RPTOR: variants seen among roughly 807,000 people sequenced by gnomAD.
The protein encoded by RPTOR is regulatory associated protein of MTOR complex 1, also known as regulatory-associated protein of mTOR.
RPTOR carries 21 observed loss-of-function variants against 169.9 expected under a neutral mutation model. That is an observed-to-expected ratio of 0.12 (90% CI 0.09 to 0.18). The LOEUF is 0.18. RPTOR is among the 10% of genes least tolerant of loss of function. The pLI is 1.00. For synonymous variants in RPTOR, 732 were observed against 753.2 expected, an observed-to-expected ratio of 0.97 and a Z score of 0.46; for missense variants, 1,133 against 1,855.9, an observed-to-expected ratio of 0.61 and a Z score of 7.16.
rs1189586712 is a variant in RPTOR, at chr17:80,820,679, G to A, written c.891-1522G>A. On this transcript the variant is annotated intron_variant, in intron 7 of 33. Transcript: ENST00000306801. The surrounding 1 kb of genome is among the most constrained non-coding windows in gnomAD (Gnocchi z 4.1). ...CCTGGCCATTCCTCCTGCGCACAGT[G>A]GACATGCTTGTTCTGAAGCGAGAGC... 6.6e-6 allele frequency among the ~76,000 whole-genome samples: 1 copy of A among 152,240 alleles called. No individual in the cohort carries two copies. The highest frequency in any genetic ancestry group is 1.5e-5 in the Non-Finnish European group (1 of 68,048).
chr17:80,950,842 G>A (rs557346030), intron 28 of RPTOR, among the ~76,000 whole-genome samples: 4 of 152,348 alleles, frequency 2.6e-5, no homozygotes, highest in African/African-American at 9.6e-5. Context: ...TGTTTGATAG[G>A]CTTTCCAGGC....
At chr17:80,583,517 C>T (rs998621206) in intron 1 of RPTOR, among the ~76,000 whole-genome samples, 17 of 152,260 alleles carry the variant, frequency 1.1e-4, no homozygotes, top group African/African-American at 4.1e-4. Context: ...TGAGGCCTGT[C>T]CCACGTGGGA....
At chr17:80,619,005 C>G (rs567489441) in intron 1 of RPTOR, among the ~76,000 whole-genome samples, 3 of 152,274 alleles carry the variant, frequency 2.0e-5, no homozygotes, top group African/African-American at 7.2e-5. Flanking sequence ...TATATCTACT[C>G]TCTTTGCTAT....
rs554669043 is a variant in RPTOR at position 80,964,553 on chromosome 17, C to T, written c.*223C>T. 2.0e-4 allele frequency: 119 copies of T among 585,670 alleles called. 1 individual carries two copies. Among genetic ancestry groups the T allele is most frequent in the Admixed American group, 6.4e-4 (22 of 34,638 alleles). The allele number at this position is 585,670 out of a possible 1,614,324, so 36.3% of individuals were successfully genotyped here. A position where few individuals can be genotyped will look rare whatever the true frequency, so the allele number is the denominator to read the frequency against. ...GGAGGGCTCGGGTTGACGGTGGCTT[C>T]CCACTGAGCACCAGCATCCAGGTGC... On this transcript the variant is annotated 3_prime_UTR_variant, in exon 34 of 34. Transcript: ENST00000306801.
intron 1 of RPTOR, among the ~76,000 whole-genome samples, chr17:80,600,669 T>C (rs2065178405): frequency 6.6e-6 from 1 of 152,150 alleles, no homozygotes; most frequent in African/African-American, 2.4e-5. Context: ...GCACACAGGC[T>C]TCTCAGCTGG....
intron 21 of RPTOR, among the ~76,000 whole-genome samples, chr17:80,922,094 G>A (rs968638698): frequency 1.3e-5 from 2 of 152,208 alleles, no homozygotes; most frequent in African/African-American, 2.4e-5. Flanking sequence ...TGAAGCACAC[G>A]GGGGTGTAAA....
At chr17:80,801,340 G>A (rs1324671752) in intron 7 of RPTOR, among the ~76,000 whole-genome samples, 1 of 152,114 alleles carries the variant, frequency 6.6e-6, no homozygotes, top group Non-Finnish European at 1.5e-5. Flanking sequence ...TAAAAGATGG[G>A]GAAACTGAGG....
At chr17:80,643,874 C>A in intron 3 of RPTOR, 64 bp downstream of exon 3, 1 of 1,286,574 alleles carries the variant, frequency 7.8e-7, no homozygotes, top group Non-Finnish European at 1.1e-6. Context: ...CCTTGGTTTC[C>A]AACACTCTTT....
At position 80,628,923 on chromosome 17, in the gene RPTOR, G is replaced by A. The variant is rs371356838; in HGVS notation, c.265+3130G>A. On this transcript the variant is annotated intron_variant, in intron 2 of 33. Coordinates refer to ENST00000306801, the MANE Select transcript of RPTOR (RefSeq NM_020761.3). ...GACTCAGCTCTCTATGTATTGTGCT[G>A]TTAGACATTGTACCGCAGCTCTTCC... 2.3e-3 allele frequency among the ~76,000 whole-genome samples: 352 copies of A among 152,292 alleles called. 1 individual carries two copies. The highest frequency in any genetic ancestry group is 8.2e-3 in the African/African-American group (342 of 41,544).
intron 3 of RPTOR, among the ~76,000 whole-genome samples, chr17:80,677,834 G>T (rs1440474248): frequency 6.6e-6 from 1 of 152,118 alleles, no homozygotes; most frequent in African/African-American, 2.4e-5. Flanking sequence ...CTCCATCATT[G>T]TCTTCAACTG....
chr17:80,778,723 C>A (rs142720279), intron 6 of RPTOR, among the ~76,000 whole-genome samples: 1 of 152,098 alleles, frequency 6.6e-6, no homozygotes, highest in African/African-American at 2.4e-5. Flanking sequence ...GACTAGAGCC[C>A]GGGAGTTCAC....
chr17:80,743,767 T>TAGCACAGCCCTGGTTACGAGCACAGC (rs1567887258), intron 5 of RPTOR, among the ~76,000 whole-genome samples: 7 of 84,616 alleles, frequency 8.3e-5, no homozygotes, highest in Admixed American at 2.1e-4. Context: ...ACTAGCACTC[T>TAGCACAGCCCTGGTTACGAGCACAGC]CCTGGTTACT....
intron 24 of RPTOR, among the ~76,000 whole-genome samples, chr17:80,928,953 T>C (rs1338665166): frequency 6.6e-6 from 1 of 152,160 alleles, no homozygotes; most frequent in Non-Finnish European, 1.5e-5. Flanking sequence ...AATTAAGCAG[T>C]AACTGTCAGG....
rs2066278661 is a variant in RPTOR at position 80,720,770 on chromosome 17, C to CTGGGATACACAGGAAGA, written c.508-9790_508-9789insTGGGATACACAGGAAGA. Reference sequence around the variant, plus strand: ...CGGAGCCACAGACTGCCAGGCCCTCCCTGAGCCTCTGCTTCTGTGGCCGTG... The same window carrying CTGGGATACACAGGAAGA: ...CGGAGCCACAGACTGCCAGGCCCTCCTGGGATACACAGGAAGACTGAGCCTCTGCTTCTGTGGCCGTG... On this transcript the variant is annotated intron_variant, in intron 4 of 33. Transcript: ENST00000306801. Among the ~76,000 whole-genome samples, 583 of 146,538 alleles carry CTGGGATACACAGGAAGA rather than the reference C, an allele frequency of 4.0e-3. 20 individuals carry two copies. The highest frequency in any genetic ancestry group is 0.015 in the African/African-American group (529 of 36,330).
At chr17:80,705,446 A>G (rs2066135474) in intron 3 of RPTOR, among the ~76,000 whole-genome samples, 2 of 152,184 alleles carry the variant, frequency 1.3e-5, no homozygotes, top group African/African-American at 4.8e-5. Flanking sequence ...GAACCTGGAA[A>G]AACTCTTAAA....
intron 1 of RPTOR, among the ~76,000 whole-genome samples, chr17:80,590,594 C>G (rs1406991588): frequency 8.9e-6 from 1 of 112,540 alleles, no homozygotes; most frequent in African/African-American, 3.0e-5. Context: ...AATGGTTGGG[C>G]CGTGTGTTAG....
At chr17:80,581,386 G>T (rs1220195780) in intron 1 of RPTOR, among the ~76,000 whole-genome samples, 1 of 152,238 alleles carries the variant, frequency 6.6e-6, no homozygotes, top group Non-Finnish European at 1.5e-5. Flanking sequence ...GTATGTGGTG[G>T]CCTTAATCAT....
At chr17:80,719,496 T>C (rs1349001360) in intron 4 of RPTOR, among the ~76,000 whole-genome samples, 1 of 152,166 alleles carries the variant, frequency 6.6e-6, no homozygotes, top group African/African-American at 2.4e-5. Context: ...CAGGGCTCGT[T>C]CCTGTAAAGC....
intron 5 of RPTOR, among the ~76,000 whole-genome samples, chr17:80,750,995 G>T (rs191908572): frequency 9.8e-4 from 149 of 152,254 alleles, no homozygotes; most frequent in African/African-American, 3.3e-3. Flanking sequence ...AAGTATATGA[G>T]AATTTGATTT....
Sources: gnomAD v4.1 joint callset for allele counts (sites outside exome capture counted in the v4.1 genomes callset) on GRCh38, gnomAD v4.1.1 for gene constraint, Gnocchi (gnomAD v3.1) non-coding constraint, MANE v1.5 for transcripts, NCBI Gene and HGNC (gene_info 2026-07-23, HGNC 2026-07-21) for gene names.